Variants in RBFOX1 observed in about 807,000 individuals in gnomAD.
RBFOX1 encodes RNA binding fox-1 homolog 1, also known as RNA binding protein fox-1 homolog 1.
A neutral mutation model predicts 57.7 loss-of-function variants in RBFOX1; 8 were observed. That is an observed-to-expected ratio of 0.14 (90% confidence interval 0.08 to 0.25). The LOEUF (loss-of-function observed/expected upper bound fraction) is 0.25, where lower values mean the gene tolerates loss of function less well. Ranked by LOEUF, RBFOX1 falls within the 10% of genes least tolerant of loss-of-function variation. The pLI, the probability that RBFOX1 is intolerant of heterozygous loss-of-function variation, is 1.00. For missense variants in RBFOX1, 611 were observed against 548.5 expected (o/e 1.11, Z -1.14); for synonymous variants, 326 against 222.4 (o/e 1.47, Z -4.15).
chr16:5,354,151 C>T (rs1425605810), intron 1 of RBFOX1, among the ~76,000 whole-genome samples: 2 of 152,218 alleles, frequency 1.3e-5, no homozygotes, highest in Non-Finnish European at 2.9e-5. Flanking sequence ...TTTTCCCTGT[C>T]TCCTTGAGCC....
intron 4 of RBFOX1, among the ~76,000 whole-genome samples, chr16:7,145,967 C>G (rs762766821): frequency 1.3e-5 from 2 of 152,176 alleles, no homozygotes. Flanking sequence ...ACCTTCCTTT[C>G]TCTGCAACTA....
At chr16:5,554,783 G>C (rs1473240141) in intron 2 of RBFOX1, among the ~76,000 whole-genome samples, 1 of 152,196 alleles carries the variant, frequency 6.6e-6, no homozygotes, top group African/African-American at 2.4e-5. Flanking sequence ...GACACTGGTG[G>C]ATGATGGATT....
intron 4 of RBFOX1, among the ~76,000 whole-genome samples, chr16:7,363,345 T>C: frequency 6.6e-6 from 1 of 152,162 alleles, no homozygotes; most frequent in East Asian, 1.9e-4. Context: ...GTGTGAGACT[T>C]AATGACTTCT....
intron 1 of RBFOX1, among the ~76,000 whole-genome samples, chr16:5,431,342 C>G (rs2067727450): frequency 6.6e-6 from 1 of 152,108 alleles, no homozygotes. Context: ...AAGTTAGGGT[C>G]TGGGTTACAG....
chr16:5,556,864 A>G (rs1026817634), intron 2 of RBFOX1, among the ~76,000 whole-genome samples: 1 of 152,226 alleles, frequency 6.6e-6, no homozygotes, highest in Non-Finnish European at 1.5e-5. Context: ...TCATTGACAC[A>G]CAGTTTATAT....
At chr16:6,463,344 G>A (rs558948636) in intron 2 of RBFOX1, among the ~76,000 whole-genome samples, 1 of 152,138 alleles carries the variant, frequency 6.6e-6, no homozygotes, top group African/African-American at 2.4e-5. Context: ...ATTAACTCAG[G>A]TCAACTATTT....
At chr16:7,639,610 T>C (rs892719190) in intron 11 of RBFOX1, among the ~76,000 whole-genome samples, 16 of 152,158 alleles carry the variant, frequency 1.1e-4, no homozygotes, top group Non-Finnish European at 1.9e-4. Context: ...ATATATATAA[T>C]GCTAAGGTTT....
At chr16:6,724,310 A>G (rs918355256) in intron 3 of RBFOX1, among the ~76,000 whole-genome samples, 5 of 151,526 alleles carry the variant, frequency 3.3e-5, no homozygotes, top group African/African-American at 1.2e-4. Flanking sequence ...CCTGGCTTCA[A>G]GCAGTTCTCT....
At chr16:5,249,596 A>G (rs12925220) in intron 1 of RBFOX1, among the ~76,000 whole-genome samples, 19,889 of 152,280 alleles carry the variant, frequency 0.13, 1,531 homozygotes, top group Middle Eastern at 0.23. Flanking sequence ...GAGAGGGTCT[A>G]TGTGGTCTGA....
intron 1 of RBFOX1, among the ~76,000 whole-genome samples, chr16:5,446,838 G>A (rs2068254731): frequency 6.6e-6 from 1 of 152,132 alleles, no homozygotes; most frequent in Non-Finnish European, 1.5e-5. Context: ...GTATTAGGTG[G>A]CATGTGGTCT....
chr16:6,838,005 C>CA (rs1491075199), intron 3 of RBFOX1, among the ~76,000 whole-genome samples: 1 of 110,796 alleles, frequency 9.0e-6, no homozygotes, highest in African/African-American at 4.6e-5. Flanking sequence ...GAAGTTACCA[C>CA]CCCTTTTTTT....
intron 2 of RBFOX1, among the ~76,000 whole-genome samples, chr16:5,571,215 C>CTTTTTTTTTT (rs34409151): frequency 3.6e-4 from 29 of 79,806 alleles, no homozygotes; most frequent in Non-Finnish European, 4.4e-4. Flanking sequence ...CCATCTTTGA[C>CTTTTTTTTTT]TTTTTTTTTT....
chr16:5,832,475 T>C (rs1160113127), intron 3 of RBFOX1, among the ~76,000 whole-genome samples: 2 of 152,220 alleles, frequency 1.3e-5, no homozygotes, highest in South Asian at 4.1e-4. Context: ...TGGAAATTGA[T>C]AATAGTCCCA....
At chr16:5,670,055 C>G (rs2049970579) in intron 3 of RBFOX1, among the ~76,000 whole-genome samples, 1 of 152,034 alleles carries the variant, frequency 6.6e-6, no homozygotes, top group Non-Finnish European at 1.5e-5. Flanking sequence ...ACCTTGAAAA[C>G]ATGCTAAGTG....
intron 3 of RBFOX1, among the ~76,000 whole-genome samples, chr16:6,992,565 C>T (rs1490230109): frequency 6.6e-6 from 1 of 152,002 alleles, no homozygotes; most frequent in African/African-American, 2.4e-5. Flanking sequence ...GCTTGGGTTC[C>T]TCAGTAGTCG....
At chr16:7,056,933 C>T (rs2052499955) in intron 4 of RBFOX1, among the ~76,000 whole-genome samples, 1 of 151,854 alleles carries the variant, frequency 6.6e-6, no homozygotes, top group Non-Finnish European at 1.5e-5. Flanking sequence ...TCTAAATGCT[C>T]CTTAGTGTCT....
intron 4 of RBFOX1, among the ~76,000 whole-genome samples, chr16:5,943,401 C>G (rs1424899900): frequency 6.6e-6 from 1 of 152,162 alleles, no homozygotes; most frequent in Non-Finnish European, 1.5e-5. Context: ...TCCACATACC[C>G]AGGTGCTCGT....
rs1054288590 is a variant in RBFOX1 at position 7,123,159 on chromosome 16, T to G, written c.27+71061T>G. On this transcript the variant is annotated intron_variant, in intron 4 of 15. Coordinates refer to ENST00000550418, the MANE Select transcript of RBFOX1 (RefSeq NM_018723.4). ...AGAATCTGTAAATTATGTTAACATT[T>G]ATGAAATTGTACATCCAAACTTTCA... Among the ~76,000 whole-genome samples the G allele has an allele frequency of 3.9e-5, 6 of 152,284 alleles. No individual in the cohort carries two copies. In the South Asian group the frequency reaches 1.2e-3, roughly 32 times the overall value.
chr16:6,404,372 C>A (rs1414193606), intron 2 of RBFOX1, among the ~76,000 whole-genome samples: 1 of 152,038 alleles, frequency 6.6e-6, no homozygotes, highest in Non-Finnish European at 1.5e-5. Flanking sequence ...GGTCTTAGAA[C>A]CAATTTCTGT....
Sources: gnomAD v4.1 joint callset for allele counts (sites outside exome capture counted in the v4.1 genomes callset) on GRCh38, gnomAD v4.1.1 for gene constraint, MANE v1.5 for transcripts, NCBI Gene and HGNC (gene_info 2026-07-23, HGNC 2026-07-21) for gene names.